NCBP1: variants seen among roughly 807,000 people sequenced by gnomAD.
The protein encoded by NCBP1 is nuclear cap-binding protein subunit 1.
NCBP1 carries 16 observed loss-of-function variants against 111.7 expected under a neutral mutation model. The observed-to-expected ratio is 0.14, with a 90% CI of 0.10 to 0.22. The LOEUF (loss-of-function observed/expected upper bound fraction) is 0.22, where lower values mean the gene tolerates loss of function less well. NCBP1 is among the 10% of genes least tolerant of loss of function. The probability of loss-of-function intolerance (pLI) is 1.00; values close to 1 mark genes in which losing one functional copy is unlikely to be tolerated. For missense variants in NCBP1, 607 were observed against 957.5 expected (o/e 0.63, Z 4.83); for synonymous variants, 304 against 314.3 (o/e 0.97, Z 0.35).
intron 20 of NCBP1, 129 bp from the exon 21 acceptor site, chr9:97,668,717 G>A (rs1391910826): frequency 1.1e-6 from 1 of 913,698 alleles, no homozygotes; most frequent in African/African-American, 2.5e-5. Context: ...TGGCGGGGTG[G>A]GGGGGTACTT....
At chr9:97,643,944 A>G (rs1161663947) in intron 4 of NCBP1, among the ~76,000 whole-genome samples, 4 of 152,148 alleles carry the variant, frequency 2.6e-5, no homozygotes, top group Non-Finnish European at 1.5e-5. Context: ...TAGGCTCTGC[A>G]CATGTTGGTT....
rs368498759 is a variant in NCBP1 at position 97,648,234 on chromosome 9, G to A, written c.897+11G>A. 287 of 1,611,664 alleles carry A rather than the reference G, an allele frequency of 1.8e-4. No individual in the cohort carries two copies. The highest frequency in any genetic ancestry group is 2.2e-4 in the Non-Finnish European group (262 of 1,178,138). Reference sequence around the variant, plus strand: ...ACAGATGATCCCGAGGTAAGTGACCGACTAAAAGTCCTAGATATTGACCTG... The same window carrying A: ...ACAGATGATCCCGAGGTAAGTGACCAACTAAAAGTCCTAGATATTGACCTG... On this transcript the variant is annotated intron_variant, in intron 8 of 22. Transcript: ENST00000375147.
intron 22 of NCBP1, among the ~76,000 whole-genome samples, chr9:97,670,548 C>A (rs1489410682): frequency 6.6e-6 from 1 of 152,188 alleles, no homozygotes; most frequent in Non-Finnish European, 1.5e-5. Context: ...AAGTTCAATT[C>A]TTTGAGCCTC....
At chr9:97,634,731 G>A (rs1826950539) in intron 1 of NCBP1, 1 of 152,196 alleles carries the variant, frequency 6.6e-6, no homozygotes, top group Non-Finnish European at 1.5e-5. Flanking sequence ...AAAACTTAGA[G>A]TAATTCTATT....
chr9:97,670,048 A>AAG, intron 22 of NCBP1: 14 of 360,810 alleles, frequency 3.9e-5, no homozygotes, highest in Non-Finnish European at 5.4e-5. Context: ...TCAGCCTCCC[A>AAG]TATTGCTGGG....
At chr9:97,635,346 G>T (rs1826982330) in intron 1 of NCBP1, among the ~76,000 whole-genome samples, 1 of 151,806 alleles carries the variant, frequency 6.6e-6, no homozygotes, top group East Asian at 1.9e-4. Context: ...TATGCTGCGT[G>T]CTTTGATTTC....
At chr9:97,639,605 T>C (rs1224167784) in intron 1 of NCBP1, among the ~76,000 whole-genome samples, 6 of 152,190 alleles carry the variant, frequency 3.9e-5, no homozygotes, top group Admixed American at 3.3e-4. Context: ...CCTGCACAGT[T>C]ACAGGCTCTT....
intron 4 of NCBP1, among the ~76,000 whole-genome samples, chr9:97,644,719 A>G (rs1450951404): frequency 1.3e-5 from 2 of 152,198 alleles, no homozygotes; most frequent in African/African-American, 2.4e-5. Flanking sequence ...TGGATTCTTG[A>G]TGTAGTATAG....
chr9:97,633,981 G>T, intron 1 of NCBP1, 66 bp downstream of exon 1: 1 of 1,496,598 alleles, frequency 6.7e-7, no homozygotes. Context: ...GCGTCTTTGG[G>T]TGTCCACGGA....
Position 97,671,178 on chromosome 9 carries a change from G to A in NCBP1, c.2352G>A (p.Gln784=), listed in dbSNP as rs753362573. 26 of 1,611,816 alleles carry A rather than the reference G, an allele frequency of 1.6e-5. No homozygotes were observed. The South Asian group carries it at 2.1e-4, about 13-fold the overall frequency. Residue 784 remains glutamine, a synonymous_variant, in exon 23 of 23, where the codon CAG becomes CAA. Coordinates refer to ENST00000375147, the MANE Select transcript of NCBP1 (RefSeq NM_002486.5). ...LDPHILAVFQ[Q]FCALQA ...CTCATATCTTGGCCGTGTTCCAGCAGTTCTGTGCCCTGCAGGCCTAAGGGT... is the reference window on the plus strand; with the variant it reads ...CTCATATCTTGGCCGTGTTCCAGCAATTCTGTGCCCTGCAGGCCTAAGGGT...
intron 15 of NCBP1, among the ~76,000 whole-genome samples, chr9:97,660,457 A>C (rs1827800317): frequency 6.6e-6 from 1 of 152,230 alleles, no homozygotes; most frequent in Non-Finnish European, 1.5e-5. Context: ...AAAAAAGAAA[A>C]GTACAAAAAC....
intron 12 of NCBP1, among the ~76,000 whole-genome samples, chr9:97,655,353 T>G (rs1827620488): frequency 6.6e-6 from 1 of 152,188 alleles, no homozygotes; most frequent in Non-Finnish European, 1.5e-5. Flanking sequence ...TAGCTGGGAT[T>G]ACAGGCATGA....
intron 1 of NCBP1, among the ~76,000 whole-genome samples, chr9:97,640,127 A>T (rs921991730): frequency 2.0e-5 from 3 of 152,154 alleles, no homozygotes; most frequent in Non-Finnish European, 4.4e-5. Flanking sequence ...TTTAGGATAA[A>T]CTATACCGTT....
intron 21 of NCBP1, among the ~76,000 whole-genome samples, 197 bp downstream of exon 21, chr9:97,669,171 A>C (rs59945109): frequency 0.01 from 1,530 of 151,982 alleles, 26 homozygotes; most frequent in African/African-American, 0.035. Flanking sequence ...TCTGCTGTTT[A>C]CTTAGTATTC....
At chr9:97,634,628 A>C (rs1826943220) in intron 1 of NCBP1, 1 of 152,242 alleles carries the variant, frequency 6.6e-6, no homozygotes, top group Non-Finnish European at 1.5e-5. Flanking sequence ...AAGATGGAAT[A>C]ATTCTAGTTT....
Position 97,633,863 on chromosome 9 carries a change from C to A in NCBP1, c.-19C>A. On this transcript the variant is annotated 5_prime_UTR_variant, in exon 1 of 23. Coordinates refer to ENST00000375147, the MANE Select transcript of NCBP1 (RefSeq NM_002486.5). ...CTTACCGCCTGGCCTCTCGGTTCCG[C>A]GGCGCACCGGAGGGCAGCATGTCGC... is the stretch of plus-strand genomic sequence containing the variant. 1.3e-6 allele frequency: 2 copies of A among 1,580,778 alleles called. No individual in the cohort carries two copies. The highest frequency in any genetic ancestry group is 1.1e-5 in the South Asian group (1 of 87,544).
At chr9:97,658,531 G>C in intron 14 of NCBP1, 109 bp from the exon 15 acceptor site, 1 of 806,530 alleles carries the variant, frequency 1.2e-6, no homozygotes, top group Non-Finnish European at 2.1e-6. Flanking sequence ...CTTCTTGGTT[G>C]TCAGCTGAGT....
intron 18 of NCBP1, among the ~76,000 whole-genome samples, 161 bp from the exon 19 acceptor site, chr9:97,664,178 CA>C (rs970840156): frequency 1.3e-5 from 2 of 150,766 alleles, no homozygotes; most frequent in South Asian, 4.2e-4. Flanking sequence ...CTCTGTCTCC[CA>C]AAAAAAAGAC....
At chr9:97,655,928 A>G in intron 13 of NCBP1, 83 bp from the exon 14 acceptor site, 1 of 1,409,150 alleles carries the variant, frequency 7.1e-7, no homozygotes, top group Non-Finnish European at 9.9e-7. Context: ...GTAAGTTGTT[A>G]TAAGTTAACA....
Sources: allele counts gnomAD v4.1 joint callset (sites outside exome capture counted in the v4.1 genomes callset), GRCh38; gene constraint gnomAD v4.1.1; transcripts MANE v1.5; gene names NCBI Gene and HGNC (gene_info 2026-07-23, HGNC 2026-07-21).